LGSN: variants seen among roughly 807,000 people sequenced by gnomAD.
LGSN encodes lengsin, lens protein with glutamine synthetase domain, also known as lengsin.
A neutral mutation model predicts 19.5 loss-of-function variants in LGSN; 21 were observed. The ratio of observed to expected loss-of-function variants is 1.07; its 90% CI spans 0.76 to 1.55. LGSN has a LOEUF of 1.55. LGSN is among the 40% of genes most tolerant of loss of function. LGSN has a pLI of 0.00. For missense variants in LGSN, 673 were observed against 608.5 expected (o/e 1.11, Z -1.12); for synonymous variants, 257 against 215.6 (o/e 1.19, Z -1.68).
the LGSN span, among the ~76,000 whole-genome samples, chr6:63,505,627 A>AAGAG: frequency 9.7e-6 from 1 of 102,788 alleles, no homozygotes; most frequent in African/African-American, 3.2e-5. Flanking sequence ...GAAAGAAAGA[A>AAGAG]AGAAAGAAAT....
the LGSN span, among the ~76,000 whole-genome samples, chr6:63,538,350 A>G: frequency 6.6e-6 from 1 of 152,248 alleles, no homozygotes; most frequent in Non-Finnish European, 1.5e-5. Context: ...AGGGATTTCC[A>G]TTCTTCATAA....
the LGSN span, among the ~76,000 whole-genome samples, chr6:63,415,687 C>T: frequency 6.6e-6 from 1 of 152,306 alleles, no homozygotes; most frequent in South Asian, 2.1e-4. Flanking sequence ...AAAGCCTAAC[C>T]ATATCAACCC....
the LGSN span, among the ~76,000 whole-genome samples, chr6:63,486,976 C>T: frequency 8.5e-5 from 13 of 152,124 alleles, no homozygotes; most frequent in East Asian, 2.5e-3. Context: ...GCTGGGACTA[C>T]AGGCATGAGC....
the LGSN span, among the ~76,000 whole-genome samples, chr6:63,501,448 T>C: frequency 2.0e-5 from 3 of 151,976 alleles, no homozygotes; most frequent in South Asian, 6.2e-4. Flanking sequence ...TGCATAGAGC[T>C]ATGGCATCTA....
rs1767116170 is a variant in LGSN at position 63,276,750 on chromosome 6, G to T, written c.*3271C>A. On this transcript the variant is annotated 3_prime_UTR_variant, in exon 4 of 4. Coordinates refer to ENST00000370657, the MANE Select transcript of LGSN (RefSeq NM_016571.3). Reference sequence around the variant, plus strand: ...CCAGCTGAAGGCTTAGCACACAAATGGTGCTCAATAAGTGCTGCTGAATGA... The same window carrying T: ...CCAGCTGAAGGCTTAGCACACAAATTGTGCTCAATAAGTGCTGCTGAATGA... 6.6e-6 allele frequency: 1 copy of T among 152,158 alleles called. No individual in the cohort carries two copies. Among genetic ancestry groups the T allele is most frequent in the Non-Finnish European group, 1.5e-5 (1 of 68,030 alleles). The allele number at this position is 152,158 out of a possible 1,614,324, so 9.4% of individuals were successfully genotyped here.
the LGSN span, among the ~76,000 whole-genome samples, chr6:63,409,387 T>C: frequency 0.046 from 6,989 of 152,288 alleles, 258 homozygotes; most frequent in Non-Finnish European, 0.07. Context: ...ATATCTAAAC[T>C]TCTTGATCAA....
the LGSN span, among the ~76,000 whole-genome samples, chr6:63,451,845 T>C: frequency 2.0e-4 from 31 of 152,178 alleles, no homozygotes; most frequent in African/African-American, 7.5e-4. Context: ...TTTCGTCTGT[T>C]GATGTGTATT....
the LGSN span, among the ~76,000 whole-genome samples, chr6:63,526,178 A>G: frequency 6.6e-6 from 1 of 152,094 alleles, no homozygotes; most frequent in Non-Finnish European, 1.5e-5. Flanking sequence ...TACAAAAATT[A>G]GCTGGGCATG....
At chr6:63,478,534 T>C in the LGSN span, among the ~76,000 whole-genome samples, 1 of 152,164 alleles carries the variant, frequency 6.6e-6, no homozygotes, top group Non-Finnish European at 1.5e-5. Flanking sequence ...TAAGTTGAGT[T>C]ACATCACCCA....
chr6:63,506,590 C>T, the LGSN span, among the ~76,000 whole-genome samples: 1 of 152,258 alleles, frequency 6.6e-6, no homozygotes, highest in African/African-American at 2.4e-5. Context: ...GACACAATTT[C>T]CTTATTCATT....
chr6:63,409,665 T>A, the LGSN span, among the ~76,000 whole-genome samples: 2 of 152,204 alleles, frequency 1.3e-5, no homozygotes, highest in African/African-American at 4.8e-5. Flanking sequence ...ACTTAATAGC[T>A]CAGATGGCCT....
the LGSN span, among the ~76,000 whole-genome samples, chr6:63,325,889 G>C: frequency 6.6e-6 from 1 of 152,166 alleles, no homozygotes; most frequent in East Asian, 1.9e-4. Flanking sequence ...TCCACAGTGT[G>C]GAAGGGGACC....
At chr6:63,285,498 G>A in intron 3 of LGSN, 89 bp downstream of exon 3, 1 of 1,050,808 alleles carries the variant, frequency 9.5e-7, no homozygotes, top group Non-Finnish European at 1.4e-6. Context: ...TGCTGTATAA[G>A]ATTACAAGAA....
At chr6:63,333,649 G>A in the LGSN span, among the ~76,000 whole-genome samples, 3 of 151,222 alleles carry the variant, frequency 2.0e-5, no homozygotes, top group African/African-American at 7.3e-5. Context: ...AAAAAGGAAA[G>A]GAAGGGGAAG....
the LGSN span, among the ~76,000 whole-genome samples, chr6:63,373,665 C>A: frequency 6.6e-6 from 1 of 152,048 alleles, no homozygotes; most frequent in South Asian, 2.1e-4. Context: ...AGAATTATTT[C>A]TTTTGCTAAA....
chr6:63,281,573 TATC>T (rs1338926644), intron 3 of LGSN, among the ~76,000 whole-genome samples: 1 of 151,988 alleles, frequency 6.6e-6, no homozygotes, highest in Non-Finnish European at 1.5e-5. Flanking sequence ...TATTTGAAAT[TATC>T]ATCATCAAAA....
chr6:63,529,389 A>T, the LGSN span, among the ~76,000 whole-genome samples: 1 of 151,164 alleles, frequency 6.6e-6, no homozygotes, highest in African/African-American at 2.5e-5. Flanking sequence ...ACATCAATTC[A>T]AGCAGAAACT....
At chr6:63,399,284 T>C in the LGSN span, among the ~76,000 whole-genome samples, 1 of 152,168 alleles carries the variant, frequency 6.6e-6, no homozygotes, top group African/African-American at 2.4e-5. Flanking sequence ...TAGTAAGCTA[T>C]AGCATCTAGG....
At chr6:63,518,579 A>G in the LGSN span, among the ~76,000 whole-genome samples, 2 of 152,188 alleles carry the variant, frequency 1.3e-5, no homozygotes, top group Non-Finnish European at 2.9e-5. Context: ...TTACAGAAAA[A>G]GAAATGTAAT....
Sources: allele counts gnomAD v4.1 joint callset (sites outside exome capture counted in the v4.1 genomes callset), GRCh38; gene constraint gnomAD v4.1.1; transcripts MANE v1.5; gene names NCBI Gene and HGNC (gene_info 2026-07-23, HGNC 2026-07-21).